The following RELCH variants were observed in gnomAD, a reference collection of about 807,000 sequenced individuals.
The protein encoded by RELCH is RAB11-binding protein RELCH.
Under a neutral mutation model 150.3 loss-of-function variants are expected in RELCH, and 41 were observed. That is an observed-to-expected ratio of 0.27 (90% CI 0.21 to 0.35). The LOEUF (loss-of-function observed/expected upper bound fraction) is 0.35. RELCH is among the 10% of genes least tolerant of loss of function. The pLI, the probability that RELCH is intolerant of heterozygous loss-of-function variation, is 1.00. For synonymous variants in RELCH, 478 were observed against 531.8 expected, an observed-to-expected ratio of 0.90 and a Z score of 1.39; for missense variants, 1,092 against 1,467.8, an observed-to-expected ratio of 0.74 and a Z score of 4.18.
chr18:62,244,126 TCTTA>T (rs902314192), intron 10 of RELCH, among the ~76,000 whole-genome samples: 1 of 152,124 alleles, frequency 6.6e-6, no homozygotes, highest in African/African-American at 2.4e-5. Flanking sequence ...AACTTTTAGC[TCTTA>T]CTTTCCTACA....
At chr18:62,231,347 G>A (rs1479629099) in intron 9 of RELCH, 78 bp downstream of exon 9, 2 of 885,080 alleles carry the variant, frequency 2.3e-6, no homozygotes, top group Non-Finnish European at 3.7e-6. Context: ...CTCTTCTACA[G>A]AAGCATCTGT....
At chr18:62,200,409 G>T (rs62094270) in intron 1 of RELCH, among the ~76,000 whole-genome samples, 42,634 of 151,970 alleles carry the variant, frequency 0.28, 7,156 homozygotes, top group East Asian at 0.59. Context: ...CTGTAAAAAT[G>T]AGGGGATTGT....
intron 25 of RELCH, among the ~76,000 whole-genome samples, chr18:62,283,952 A>G (rs1024034946): frequency 1.8e-4 from 28 of 152,312 alleles, no homozygotes; most frequent in African/African-American, 6.7e-4. Flanking sequence ...GTGTTGTTGC[A>G]TTAAATGGGT....
Position 62,232,343 on chromosome 18 carries a change from T to C in RELCH, c.1536T>C (p.Ile512=), listed in dbSNP as rs3764493. 21,603 of 1,607,728 alleles carry C rather than the reference T, an allele frequency of 0.013. 672 individuals carry two copies. The highest frequency in any genetic ancestry group is 0.13 in the East Asian group (5,967 of 44,774). The change falls in exon 10 of 29, where the codon ATT becomes ATC. Residue 512 remains isoleucine (I), a synonymous_variant. Coordinates refer to ENST00000644646, the MANE Select transcript of RELCH (RefSeq NM_001346231.2). ...DSRLGYEVSR[I]ADSEKSVMLM... ...CTTTGGTTTTCTAGGTGTCTCGTAT[T>C]GCAGACAGTGAAAAAAGCGTTATGT... is the stretch of plus-strand genomic sequence containing the variant.
chr18:62,192,544 C>G (rs910732219), intron 1 of RELCH, among the ~76,000 whole-genome samples: 1 of 152,088 alleles, frequency 6.6e-6, no homozygotes. Flanking sequence ...GTCTTTAATC[C>G]ACCTTGAGTT....
chr18:62,278,899 A>T (rs1279121307), intron 22 of RELCH, among the ~76,000 whole-genome samples: 1 of 152,176 alleles, frequency 6.6e-6, no homozygotes, highest in African/African-American at 2.4e-5. Flanking sequence ...AGACCTATTT[A>T]GATATTAACT....
intron 27 of RELCH, among the ~76,000 whole-genome samples, chr18:62,294,038 A>G (rs2045286033): frequency 2.0e-5 from 3 of 152,098 alleles, no homozygotes; most frequent in Admixed American, 2.0e-4. Context: ...TCTTATTGAT[A>G]TTTGCAAAAG....
intron 8 of RELCH, among the ~76,000 whole-genome samples, chr18:62,230,758 A>G (rs1196900818): frequency 1.3e-5 from 2 of 152,182 alleles, no homozygotes; most frequent in East Asian, 1.9e-4. Flanking sequence ...AGCATTATAT[A>G]TATCTGCAAA....
intron 12 of RELCH, among the ~76,000 whole-genome samples, chr18:62,252,964 A>C (rs12326677): frequency 0.21 from 31,399 of 152,136 alleles, 3,969 homozygotes; most frequent in Middle Eastern, 0.35. Flanking sequence ...ATGAAACACT[A>C]ATTTCAGTGC....
At chr18:62,279,908 G>A in intron 23 of RELCH, 52 bp downstream of exon 23, 1 of 1,161,926 alleles carries the variant, frequency 8.6e-7, no homozygotes, top group Non-Finnish European at 1.2e-6. Flanking sequence ...AAATGTGCCT[G>A]TCAAGAAATA....
At chr18:62,191,553 G>A (rs567977082) in intron 1 of RELCH, among the ~76,000 whole-genome samples, 2 of 152,154 alleles carry the variant, frequency 1.3e-5, no homozygotes, top group Admixed American at 1.3e-4. Flanking sequence ...GCACGCATTA[G>A]CTATTTTTCC....
At chr18:62,208,122 T>C (rs2148290139) in intron 1 of RELCH, among the ~76,000 whole-genome samples, 1 of 152,328 alleles carries the variant, frequency 6.6e-6, no homozygotes, top group African/African-American at 2.4e-5. Flanking sequence ...GGTTTGATTT[T>C]CATTTCCCTA....
chr18:62,217,552 G>A (rs2040562197), intron 2 of RELCH, among the ~76,000 whole-genome samples: 1 of 151,962 alleles, frequency 6.6e-6, no homozygotes, highest in African/African-American at 2.4e-5. Context: ...GAGACTGCAG[G>A]AGAACCACAT....
intron 1 of RELCH, among the ~76,000 whole-genome samples, chr18:62,192,994 T>C (rs2148179164): frequency 6.6e-6 from 1 of 152,364 alleles, no homozygotes; most frequent in South Asian, 2.1e-4. Flanking sequence ...TTTCATGATA[T>C]TGATTCTTCT....
chr18:62,239,279 C>A (rs1292793097), intron 10 of RELCH, among the ~76,000 whole-genome samples: 1 of 150,694 alleles, frequency 6.6e-6, no homozygotes, highest in Non-Finnish European at 1.5e-5. Flanking sequence ...TTCTAAGAAT[C>A]GGTATTTTTA....
At position 62,187,606 on chromosome 18, in the gene RELCH, A is replaced by G. The variant is rs765885577; in HGVS notation, c.101A>G (p.Glu34Gly). The change falls in exon 1 of 29, where the codon GAA becomes GGA. Residue 34 changes from glutamate (E) to glycine (G), a missense_variant. By Grantham distance (98) the Glu-to-Gly change is moderately conservative. Transcript: ENST00000644646. ...GATGACGAGGTAGCTGCAACAGAGG[A>G]ACGGCGGGCAGTACTTCGGCTGGGC... is the stretch of plus-strand genomic sequence containing the variant. ...EDDDEVAATE[E>G]RRAVLRLGAG... is the part of the protein sequence containing the mutation. The G allele has an allele frequency of 6.5e-7, 1 of 1,531,500 alleles. No individual in the cohort carries two copies. Among genetic ancestry groups the G allele is most frequent in the Non-Finnish European group, 8.8e-7 (1 of 1,138,214 alleles). 94.9% of individuals were successfully genotyped at this position (1,531,500 alleles called of 1,614,324 possible). A position where few individuals can be genotyped will look rare whatever the true frequency, so the allele number is the denominator to read the frequency against.
intron 15 of RELCH, among the ~76,000 whole-genome samples, chr18:62,259,499 A>G (rs1027421034): frequency 1.3e-5 from 2 of 151,942 alleles, no homozygotes; most frequent in Admixed American, 6.6e-5. Context: ...TGTTAAAAAA[A>G]AAAGATATCC....
At chr18:62,258,403 G>A in intron 14 of RELCH, 109 bp from the exon 15 acceptor site, 1 of 1,009,442 alleles carries the variant, frequency 9.9e-7, no homozygotes, top group South Asian at 1.7e-5. Flanking sequence ...CTTCTTTCTT[G>A]CTTAAAAATA....
chr18:62,279,072 A>G (rs938705006), intron 22 of RELCH, among the ~76,000 whole-genome samples: 5 of 152,152 alleles, frequency 3.3e-5, no homozygotes, highest in African/African-American at 7.2e-5. Context: ...TTTGAGGTAG[A>G]TAATAATATC....
Sources: gnomAD v4.1 joint callset for allele counts (sites outside exome capture counted in the v4.1 genomes callset) on GRCh38, gnomAD v4.1.1 for gene constraint, MANE v1.5 for transcripts, NCBI Gene and HGNC (gene_info 2026-07-23, HGNC 2026-07-21) for gene names.